The following PRR5L variants were observed in gnomAD, a reference collection of about 807,000 sequenced individuals.
PRR5L encodes proline-rich protein 5-like.
PRR5L carries 21 observed loss-of-function variants against 36.4 expected under a neutral mutation model. The observed-to-expected ratio is 0.58, with a 90% CI of 0.41 to 0.83. The LOEUF is 0.83. PRR5L is among the 40% of genes least tolerant of loss of function. PRR5L has a pLI of 0.00. For missense variants in PRR5L, 381 were observed against 473.3 expected, an observed-to-expected ratio of 0.80 and a Z score of 1.81; for synonymous variants, 188 against 197.0, an observed-to-expected ratio of 0.95 and a Z score of 0.38.
chr11:36,387,188 T>C (rs1223845566), intron 1 of PRR5L, among the ~76,000 whole-genome samples: 1 of 151,816 alleles, frequency 6.6e-6, no homozygotes, highest in African/African-American at 2.4e-5. Context: ...ATGGGCTGCA[T>C]GTTCTCATTC....
intron 8 of PRR5L, among the ~76,000 whole-genome samples, chr11:36,456,691 G>A (rs1028089603): frequency 2.6e-5 from 4 of 152,320 alleles, no homozygotes; most frequent in South Asian, 4.1e-4. Flanking sequence ...AGGTTCTTCT[G>A]CGAAGTGGTT....
chr11:36,429,402 T>C (rs1176752141), intron 4 of PRR5L, among the ~76,000 whole-genome samples: 2 of 152,228 alleles, frequency 1.3e-5, no homozygotes, highest in African/African-American at 4.8e-5. Flanking sequence ...TCCTCACTCC[T>C]AAGGACCTAA....
intron 4 of PRR5L, among the ~76,000 whole-genome samples, chr11:36,423,881 G>T (rs372279200): frequency 1.9e-4 from 29 of 152,340 alleles, no homozygotes; most frequent in African/African-American, 6.7e-4. Flanking sequence ...TGGCCACTGT[G>T]AGGGGCGAGA....
At chr11:36,378,822 T>G (rs1857320905) in intron 1 of PRR5L, among the ~76,000 whole-genome samples, 1 of 152,238 alleles carries the variant, frequency 6.6e-6, no homozygotes, top group South Asian at 2.1e-4. Context: ...TACTATTATA[T>G]CCCTATCATA....
chr11:36,409,247 C>T (rs1168518051), intron 3 of PRR5L, among the ~76,000 whole-genome samples: 1 of 152,170 alleles, frequency 6.6e-6, no homozygotes, highest in Middle Eastern at 3.2e-3. Flanking sequence ...TCCTCAAACT[C>T]CCTGGGAGGA....
chr11:36,376,621 T>C lies in PRR5L; in HGVS notation c.-125-24376T>C, dbSNP rs1001371004. The C allele has an allele frequency of 9.1e-6, 9 of 993,534 alleles. No homozygotes were observed. In the African/African-American group the frequency reaches 1.4e-4, roughly 15 times the overall value. 61.5% of individuals were successfully genotyped at this position (993,534 alleles called of 1,614,324 possible). A position where few individuals can be genotyped will look rare whatever the true frequency, so the allele number is the denominator to read the frequency against. ...ACTTCCTCGGGAAGACCGGAAACTTTTTCCTAGGCGCGCGGAGTCTGGGGC... is the reference window on the plus strand; with the variant it reads ...ACTTCCTCGGGAAGACCGGAAACTTCTTCCTAGGCGCGCGGAGTCTGGGGC... On this transcript the variant is annotated intron_variant, in intron 1 of 8. Coordinates refer to ENST00000530639, the MANE Select transcript of PRR5L (RefSeq NM_001160167.2).
intron 1 of PRR5L, among the ~76,000 whole-genome samples, chr11:36,396,640 C>T (rs1482467389): frequency 6.6e-6 from 1 of 152,178 alleles, no homozygotes; most frequent in Non-Finnish European, 1.5e-5. Flanking sequence ...AAGTGCTTGA[C>T]AAATATTTAT....
chr11:36,337,599 T>G (rs1436924375), intron 1 of PRR5L, among the ~76,000 whole-genome samples: 1 of 152,230 alleles, frequency 6.6e-6, no homozygotes, highest in African/African-American at 2.4e-5. Context: ...CACATGCTCA[T>G]TTATTCTTCT....
chr11:36,308,857 G>C (rs1025410460), intron 1 of PRR5L, among the ~76,000 whole-genome samples: 5 of 152,164 alleles, frequency 3.3e-5, no homozygotes. Flanking sequence ...GCATAACTTG[G>C]GTAGCCACTG....
At chr11:36,308,700 G>C (rs1317672698) in intron 1 of PRR5L, among the ~76,000 whole-genome samples, 2 of 152,216 alleles carry the variant, frequency 1.3e-5, no homozygotes, top group Non-Finnish European at 2.9e-5. Flanking sequence ...TTGGGACACA[G>C]TACACTTCCT....
chr11:36,351,457 T>A (rs866367507), intron 1 of PRR5L, among the ~76,000 whole-genome samples: 5 of 47,198 alleles, frequency 1.1e-4, no homozygotes, highest in African/African-American at 1.6e-4. Context: ...ATTTATATAT[T>A]TATATATTTA....
At chr11:36,306,082 G>A (rs1054756074) in intron 1 of PRR5L, among the ~76,000 whole-genome samples, 51 of 152,044 alleles carry the variant, frequency 3.4e-4, no homozygotes, top group African/African-American at 1.1e-3. Flanking sequence ...ACTCCATTAT[G>A]TATATGTACC....
chr11:36,339,013 T>A (rs1248855374), intron 1 of PRR5L, among the ~76,000 whole-genome samples: 1 of 152,188 alleles, frequency 6.6e-6, no homozygotes, highest in Non-Finnish European at 1.5e-5. Context: ...TCCTCCTCAT[T>A]CTCTCTTGCC....
At chr11:36,444,815 G>A (rs931397981) in intron 6 of PRR5L, among the ~76,000 whole-genome samples, 1 of 152,194 alleles carries the variant, frequency 6.6e-6, no homozygotes, top group African/African-American at 2.4e-5. Flanking sequence ...TGAACAAAAA[G>A]TTGTTTATGT....
intron 7 of PRR5L, among the ~76,000 whole-genome samples, chr11:36,450,198 T>C (rs1858915348): frequency 6.6e-6 from 1 of 152,202 alleles, no homozygotes; most frequent in South Asian, 2.1e-4. Context: ...CCTCATTACC[T>C]GAACAGCTTC....
chr11:36,353,085 A>G (rs1292734827), intron 1 of PRR5L, among the ~76,000 whole-genome samples: 1 of 152,134 alleles, frequency 6.6e-6, no homozygotes, highest in Non-Finnish European at 1.5e-5. Flanking sequence ...AAACTCACAT[A>G]GCTCTTTGTT....
intron 1 of PRR5L, among the ~76,000 whole-genome samples, chr11:36,320,891 G>A (rs1400023313): frequency 6.6e-6 from 1 of 152,182 alleles, no homozygotes; most frequent in Admixed American, 6.5e-5. Flanking sequence ...TTAGTACATG[G>A]CTTGGCATGT....
intron 1 of PRR5L, among the ~76,000 whole-genome samples, chr11:36,360,578 C>T (rs1857076691): frequency 6.6e-6 from 1 of 152,156 alleles, no homozygotes; most frequent in African/African-American, 2.4e-5. Context: ...AACACACACA[C>T]CCACATGCAT....
chr11:36,451,363 A>G (rs775132050), intron 8 of PRR5L, 28 bp downstream of exon 8: 5 of 1,613,202 alleles, frequency 3.1e-6, no homozygotes, highest in Admixed American at 3.3e-5. Flanking sequence ...CAAGTTGTCA[A>G]GAGGCCCAGT....
Sources: allele counts gnomAD v4.1 joint callset (sites outside exome capture counted in the v4.1 genomes callset), GRCh38; gene constraint gnomAD v4.1.1; transcripts MANE v1.5; gene names NCBI Gene and HGNC (gene_info 2026-07-23, HGNC 2026-07-21).